The following ZDHHC14 variants were observed in gnomAD, a reference collection of about 807,000 sequenced individuals.
ZDHHC14 encodes the protein palmitoyltransferase ZDHHC14.
Under a neutral mutation model 47.7 loss-of-function variants are expected in ZDHHC14, and 16 were observed. The ratio of observed to expected loss-of-function variants is 0.34; its 90% CI spans 0.23 to 0.51. The LOEUF is 0.51. Among genes scored for constraint, ZDHHC14 ranks in the 20% least tolerant of loss-of-function variants. The pLI is 0.97. For missense variants in ZDHHC14, 515 were observed against 662.5 expected (o/e 0.78, Z 2.44); for synonymous variants, 293 against 278.9 (o/e 1.05, Z -0.50).
At chr6:157,505,564 T>C (rs1452205522) in intron 1 of ZDHHC14, among the ~76,000 whole-genome samples, 1 of 152,126 alleles carries the variant, frequency 6.6e-6, no homozygotes, top group African/African-American at 2.4e-5. Context: ...GCTGAATGAA[T>C]TAACAATTTA....
At chr6:157,493,372 G>A (rs952723110) in intron 1 of ZDHHC14, among the ~76,000 whole-genome samples, 5 of 152,248 alleles carry the variant, frequency 3.3e-5, no homozygotes, top group African/African-American at 1.2e-4. Context: ...GCTCCAGGCG[G>A]AGAGGGGAAA....
intron 3 of ZDHHC14, among the ~76,000 whole-genome samples, chr6:157,621,317 G>A (rs1430739528): frequency 6.6e-6 from 1 of 151,858 alleles, no homozygotes; most frequent in Non-Finnish European, 1.5e-5. Context: ...TACCTCATAG[G>A]GCAAAATTTT....
intron 1 of ZDHHC14, among the ~76,000 whole-genome samples, chr6:157,475,155 C>G (rs1035608915): frequency 6.6e-6 from 1 of 151,996 alleles, no homozygotes; most frequent in Non-Finnish European, 1.5e-5. Context: ...TTTTCCTTTG[C>G]GTGTTTTAGG....
chr6:157,411,548 C>T (rs1467945107), intron 1 of ZDHHC14, among the ~76,000 whole-genome samples: 1 of 152,092 alleles, frequency 6.6e-6, no homozygotes, highest in Admixed American at 6.6e-5. Context: ...TGAGATGTCC[C>T]TCCTGGGGGA....
intron 1 of ZDHHC14, among the ~76,000 whole-genome samples, chr6:157,431,414 C>T (rs976766470): frequency 6.6e-6 from 1 of 152,204 alleles, no homozygotes; most frequent in African/African-American, 2.4e-5. Flanking sequence ...ACCTCCATGG[C>T]AGGGACCATA....
At chr6:157,640,343 A>G (rs929554214) in intron 5 of ZDHHC14, among the ~76,000 whole-genome samples, 2 of 152,214 alleles carry the variant, frequency 1.3e-5, no homozygotes, top group Admixed American at 1.3e-4. Flanking sequence ...TTCATCCCCA[A>G]GTTGCATTCA....
intron 3 of ZDHHC14, among the ~76,000 whole-genome samples, chr6:157,616,536 C>T (rs1267457890): frequency 2.6e-5 from 4 of 152,080 alleles, no homozygotes; most frequent in African/African-American, 9.7e-5. Flanking sequence ...CCCTAGAGGA[C>T]GAGCGGCCCT....
chr6:157,627,826 A>G (rs550226311), intron 3 of ZDHHC14, among the ~76,000 whole-genome samples: 133 of 152,328 alleles, frequency 8.7e-4, no homozygotes, highest in African/African-American at 3.0e-3. Context: ...TGCATTAATA[A>G]ATGTGATGGA....
intron 1 of ZDHHC14, among the ~76,000 whole-genome samples, chr6:157,437,052 A>G (rs1050240222): frequency 6.6e-6 from 1 of 152,182 alleles, no homozygotes; most frequent in African/African-American, 2.4e-5. Context: ...TGCATGTGAC[A>G]TGGTGACAAC....
chr6:157,542,913 A>G (rs1046777130), intron 2 of ZDHHC14, among the ~76,000 whole-genome samples, 168 bp downstream of exon 2: 1 of 152,136 alleles, frequency 6.6e-6, no homozygotes, highest in Non-Finnish European at 1.5e-5. Flanking sequence ...GCTGAAGAAG[A>G]GGTGGGATAT....
At chr6:157,630,797 A>C (rs1785672707) in intron 4 of ZDHHC14, 1 of 148,320 alleles carries the variant, frequency 6.7e-6, no homozygotes, top group Non-Finnish European at 1.5e-5. Context: ...ACCCTTACAC[A>C]GCCACACACA....
chr6:157,635,993 C>T (rs1434147006), intron 5 of ZDHHC14, among the ~76,000 whole-genome samples: 1 of 152,166 alleles, frequency 6.6e-6, no homozygotes, highest in African/African-American at 2.4e-5. Context: ...CTCCCACAGC[C>T]AGGCGCTCCC....
intron 1 of ZDHHC14, among the ~76,000 whole-genome samples, chr6:157,499,736 T>A (rs934321749): frequency 5.9e-5 from 9 of 152,230 alleles, no homozygotes; most frequent in African/African-American, 2.2e-4. Flanking sequence ...ACCCTATGCA[T>A]ATAAGCAACC....
intron 1 of ZDHHC14, among the ~76,000 whole-genome samples, chr6:157,476,908 G>A (rs148593443): frequency 8.0e-4 from 122 of 152,248 alleles, no homozygotes; most frequent in Non-Finnish European, 1.1e-3. Flanking sequence ...CCTCAACACA[G>A]TAAAGGTCAT....
intron 1 of ZDHHC14, among the ~76,000 whole-genome samples, chr6:157,418,187 C>T (rs1175538787): frequency 3.9e-5 from 6 of 152,110 alleles, no homozygotes; most frequent in Admixed American, 2.0e-4. Flanking sequence ...CCCTGTCCCA[C>T]GCGTGTCTTA....
chr6:157,609,986 C>T (rs1350568292), intron 3 of ZDHHC14, among the ~76,000 whole-genome samples: 1 of 152,230 alleles, frequency 6.6e-6, no homozygotes, highest in Non-Finnish European at 1.5e-5. Flanking sequence ...AATTTTGCCT[C>T]TGACTTTGTG....
At chr6:157,550,322 A>G (rs1275665642) in intron 2 of ZDHHC14, among the ~76,000 whole-genome samples, 1 of 152,028 alleles carries the variant, frequency 6.6e-6, no homozygotes, top group Non-Finnish European at 1.5e-5. Flanking sequence ...CAGGCATTCT[A>G]GAGAGACCAC....
intron 1 of ZDHHC14, among the ~76,000 whole-genome samples, chr6:157,421,296 G>A (rs1049202666): frequency 6.6e-6 from 1 of 151,612 alleles, no homozygotes; most frequent in South Asian, 2.1e-4. Flanking sequence ...TCAGGAGATC[G>A]AGACCACGGT....
At chr6:157,668,699 C>G (rs941497089) in intron 8 of ZDHHC14, among the ~76,000 whole-genome samples, 1 of 151,632 alleles carries the variant, frequency 6.6e-6, no homozygotes, top group African/African-American at 2.4e-5. Context: ...GACTCCATCT[C>G]AAAAAAAACA....
Sources: allele counts gnomAD v4.1 joint callset (sites outside exome capture counted in the v4.1 genomes callset), GRCh38; gene constraint gnomAD v4.1.1; transcripts MANE v1.5; gene names NCBI Gene and HGNC (gene_info 2026-07-23, HGNC 2026-07-21).